PHF21A: variants seen among roughly 807,000 people sequenced by gnomAD.
PHF21A encodes BHC80a.
PHF21A carries 11 observed loss-of-function variants against 82.5 expected under a neutral mutation model. The observed-to-expected ratio is 0.13, with a 90% CI of 0.08 to 0.22. The LOEUF is 0.22. PHF21A is among the 10% of genes least tolerant of loss of function. PHF21A has a pLI of 1.00. For synonymous variants in PHF21A, 297 were observed against 302.8 expected (o/e 0.98, Z 0.20); for missense variants, 579 against 837.8 (o/e 0.69, Z 3.81).
chr11:46,099,468 C>A (rs540256031), intron 1 of PHF21A, among the ~76,000 whole-genome samples: 2 of 151,032 alleles, frequency 1.3e-5, no homozygotes, highest in East Asian at 3.9e-4. Flanking sequence ...TATAGCACTG[C>A]TGTACTCACT....
rs60775450 is a variant in PHF21A at position 45,958,449 on chromosome 11, T to TACACACACACAC, written c.997-4836_997-4825dup. 4.9e-3 allele frequency among the ~76,000 whole-genome samples: 73 copies of TACACACACACAC among 15,032 alleles called. 3 individuals carry two copies. Among genetic ancestry groups the TACACACACACAC allele is most frequent in the African/African-American group, 0.013 (66 of 5,198 alleles). 9.9% of individuals were successfully genotyped at this position (15,032 alleles called of 152,430 possible). A position where few individuals can be genotyped will look rare whatever the true frequency, so the allele number is the denominator to read the frequency against. On this transcript the variant is annotated intron_variant, in intron 10 of 18. Transcript: ENST00000676320. The stretch of plus-strand genomic sequence containing the variant: ...ATATATATATATATATATATATATA[T>TACACACACACAC]ACACACACACACACACACACATATA...
chr11:46,103,220 A>C (rs1242501610), intron 1 of PHF21A, among the ~76,000 whole-genome samples: 1 of 152,248 alleles, frequency 6.6e-6, no homozygotes, highest in South Asian at 2.1e-4. Flanking sequence ...ACACATATTT[A>C]TCAAAATGAA....
intron 6 of PHF21A, among the ~76,000 whole-genome samples, chr11:46,023,783 C>T (rs2095680075): frequency 6.6e-6 from 1 of 152,162 alleles, no homozygotes; most frequent in Admixed American, 6.5e-5. Flanking sequence ...TGGTGAAACC[C>T]TGTTTCTACT....
intron 6 of PHF21A, among the ~76,000 whole-genome samples, chr11:45,996,554 C>T (rs1044594562): frequency 6.6e-6 from 1 of 152,142 alleles, no homozygotes; most frequent in Non-Finnish European, 1.5e-5. Flanking sequence ...ATGCATTCTC[C>T]TGGAGTTTTT....
At chr11:46,056,127 C>A (rs760891034) in intron 6 of PHF21A, among the ~76,000 whole-genome samples, 12 of 152,050 alleles carry the variant, frequency 7.9e-5, no homozygotes, top group Non-Finnish European at 1.8e-4. Flanking sequence ...TAACAAAATA[C>A]CCTTTATGTA....
intron 15 of PHF21A, among the ~76,000 whole-genome samples, chr11:45,945,376 A>G (rs2091138691): frequency 1.3e-5 from 2 of 152,224 alleles, no homozygotes; most frequent in Non-Finnish European, 2.9e-5. Context: ...TAAAGAGCAG[A>G]GTTTCTGCTC....
intron 10 of PHF21A, among the ~76,000 whole-genome samples, chr11:45,961,200 T>C (rs563177292): frequency 5.2e-4 from 79 of 152,222 alleles, no homozygotes; most frequent in Non-Finnish European, 9.1e-4. Context: ...AATTTGCAAC[T>C]CCTGTTCTTT....
chr11:45,949,695 T>C (rs543257773), intron 12 of PHF21A, among the ~76,000 whole-genome samples: 21 of 152,224 alleles, frequency 1.4e-4, no homozygotes, highest in Non-Finnish European at 2.5e-4. Flanking sequence ...CTACACGTGG[T>C]TCTCTGTTGA....
intron 10 of PHF21A, 21 bp from the exon 11 acceptor site, chr11:45,953,646 A>G (rs755954176): frequency 1.3e-6 from 2 of 1,515,828 alleles, no homozygotes; most frequent in East Asian, 2.3e-5. Flanking sequence ...AAAATTAAAT[A>G]AAAATTCAGA....
chr11:46,081,313 C>A (rs2096788408), intron 4 of PHF21A, among the ~76,000 whole-genome samples: 1 of 152,040 alleles, frequency 6.6e-6, no homozygotes, highest in Admixed American at 6.5e-5. Context: ...ATACATATTC[C>A]AAGAGTTTAA....
intron 6 of PHF21A, among the ~76,000 whole-genome samples, chr11:46,024,475 C>G (rs1279811479): frequency 6.6e-6 from 1 of 152,134 alleles, no homozygotes; most frequent in Non-Finnish European, 1.5e-5. Context: ...AGATTCTCTT[C>G]TATTTTTTCC....
chr11:45,935,741 TAAA>T lies in PHF21A; in HGVS notation c.1685-5_1685-3del, dbSNP rs35995547. 46,799 of 504,642 alleles carry T rather than the reference TAAA, an allele frequency of 0.093. 3 individuals carry two copies. The highest frequency in any genetic ancestry group is 0.1 in the East Asian group (2,932 of 28,100). The allele number at this position is 504,642 out of a possible 1,614,324, so 31.3% of individuals were successfully genotyped here. ...ACTTCTGTTTCTCTTCTTCTTTTGC[TAAA>T]AAAAAAAAAAAAAAAAAAAAGGAAC... On this transcript the variant is annotated splice_region_variant and splice_polypyrimidine_tract_variant and intron_variant, in intron 17 of 18. Coordinates refer to ENST00000676320, the MANE Select transcript of PHF21A (RefSeq NM_001352027.3).
At chr11:46,003,602 C>G (rs1174089924) in intron 6 of PHF21A, among the ~76,000 whole-genome samples, 1 of 152,034 alleles carries the variant, frequency 6.6e-6, no homozygotes, top group Non-Finnish European at 1.5e-5. Context: ...CGCTACAATT[C>G]TCACTAGGAT....
intron 8 of PHF21A, 172 bp downstream of exon 8, chr11:45,970,944 G>C (rs1024022587): frequency 8.1e-6 from 6 of 741,494 alleles, no homozygotes; most frequent in Admixed American, 5.9e-5. Flanking sequence ...GTAGTGATTT[G>C]AGCAGATAGC....
intron 6 of PHF21A, among the ~76,000 whole-genome samples, chr11:46,030,806 AGTGT>A (rs995343173): frequency 1.1e-4 from 15 of 137,000 alleles, no homozygotes; most frequent in African/African-American, 3.3e-4. Context: ...TAAACCACAT[AGTGT>A]GTGTGTGTGC....
intron 6 of PHF21A, among the ~76,000 whole-genome samples, chr11:46,012,717 C>T (rs2137437647): frequency 6.6e-6 from 1 of 152,334 alleles, no homozygotes; most frequent in Middle Eastern, 3.4e-3. Context: ...CCTACACCCA[C>T]ATTTCTAATT....
intron 10 of PHF21A, among the ~76,000 whole-genome samples, chr11:45,954,770 G>A (rs904047950): frequency 5.3e-5 from 8 of 152,110 alleles, no homozygotes; most frequent in African/African-American, 1.4e-4. Flanking sequence ...TAGAAAAAAT[G>A]TGGAAGTAAT....
At chr11:45,971,508 T>C (rs2093741570) in intron 7 of PHF21A, 141 bp from the exon 8 acceptor site, 1 of 811,008 alleles carries the variant, frequency 1.2e-6, no homozygotes, top group African/African-American at 1.7e-5. Context: ...TAGAACAACA[T>C]TTCTTTTGTG....
chr11:46,046,367 C>G (rs76464147), intron 6 of PHF21A, among the ~76,000 whole-genome samples: 4,268 of 152,246 alleles, frequency 0.028, 144 homozygotes, highest in African/African-American at 0.084. Context: ...ATTTCCCCAT[C>G]AAGCAAAATG....
Sources: allele counts gnomAD v4.1 joint callset (sites outside exome capture counted in the v4.1 genomes callset), GRCh38; gene constraint gnomAD v4.1.1; transcripts MANE v1.5; gene names NCBI Gene and HGNC (gene_info 2026-07-23, HGNC 2026-07-21).